The following KHDRBS2 variants were observed in gnomAD, a reference collection of about 807,000 sequenced individuals.
KHDRBS2 encodes KH domain-containing, RNA-binding, signal transduction-associated protein 2.
Under a neutral mutation model 44.3 loss-of-function variants are expected in KHDRBS2, and 26 were observed. The observed-to-expected ratio is 0.59, with a 90% confidence interval of 0.43 to 0.81. KHDRBS2 has a LOEUF of 0.81. KHDRBS2 is among the 40% of genes least tolerant of loss of function. KHDRBS2 has a pLI of 0.00. For synonymous variants in KHDRBS2, 194 were observed against 151.1 expected, an observed-to-expected ratio of 1.28 and a Z score of -2.08; for missense variants, 476 against 433.1, an observed-to-expected ratio of 1.10 and a Z score of -0.88.
intron 1 of KHDRBS2, among the ~76,000 whole-genome samples, chr6:62,256,773 G>T (rs1227061243): frequency 6.6e-6 from 1 of 152,088 alleles, no homozygotes; most frequent in Non-Finnish European, 1.5e-5. Context: ...TTCTGTAAAT[G>T]CAGGTTACAC....
At chr6:61,782,014 T>C (rs1274404205) in intron 6 of KHDRBS2, among the ~76,000 whole-genome samples, 1 of 152,026 alleles carries the variant, frequency 6.6e-6, no homozygotes, top group Non-Finnish European at 1.5e-5. Context: ...TTTGGAAGTG[T>C]TTTTTGGTTT....
At chr6:62,055,884 C>A (rs1472230741) in intron 2 of KHDRBS2, among the ~76,000 whole-genome samples, 1 of 151,964 alleles carries the variant, frequency 6.6e-6, no homozygotes, top group African/African-American at 2.4e-5. Context: ...AGTGCTCACT[C>A]CGTGGATGTG....
chr6:61,563,977 C>T, the KHDRBS2 span, among the ~76,000 whole-genome samples: 1 of 151,992 alleles, frequency 6.6e-6, no homozygotes, highest in Non-Finnish European at 1.5e-5. Context: ...TTATTAGTGC[C>T]AGTAGTCCAT....
chr6:61,646,830 T>A, the KHDRBS2 span, among the ~76,000 whole-genome samples: 1 of 152,158 alleles, frequency 6.6e-6, no homozygotes, highest in Admixed American at 6.5e-5. Flanking sequence ...TTTATTTATT[T>A]ATTTTTTGAG....
At chr6:61,775,799 T>C (rs147226924) in intron 6 of KHDRBS2, among the ~76,000 whole-genome samples, 34,648 of 151,994 alleles carry the variant, frequency 0.23, 4,700 homozygotes, top group South Asian at 0.36. Context: ...CTACTTTAAA[T>C]TTCATATGGA....
At chr6:61,964,406 A>G (rs1015881892) in intron 4 of KHDRBS2, among the ~76,000 whole-genome samples, 2 of 151,986 alleles carry the variant, frequency 1.3e-5, no homozygotes, top group Non-Finnish European at 2.9e-5. Flanking sequence ...TTGATTTCTG[A>G]CTTCAGGGAG....
chr6:62,205,405 CT>C (rs1252338074), intron 1 of KHDRBS2, among the ~76,000 whole-genome samples: 5 of 152,098 alleles, frequency 3.3e-5, no homozygotes, highest in Non-Finnish European at 5.9e-5. Context: ...GCCACCATAT[CT>C]TTCCTATTAG....
intron 7 of KHDRBS2, among the ~76,000 whole-genome samples, chr6:61,717,754 A>G (rs574304471): frequency 1.8e-4 from 28 of 152,288 alleles, no homozygotes; most frequent in Non-Finnish European, 2.4e-4. Flanking sequence ...ATATAGCCTA[A>G]AAACAGTAAA....
intron 6 of KHDRBS2, among the ~76,000 whole-genome samples, chr6:61,810,539 C>G (rs533073696): frequency 3.3e-5 from 5 of 151,782 alleles, no homozygotes; most frequent in Non-Finnish European, 5.9e-5. Context: ...TATAATGAAG[C>G]CTACAAATTT....
At chr6:61,946,690 ATG>A (rs1813428624) in intron 4 of KHDRBS2, among the ~76,000 whole-genome samples, 1 of 152,106 alleles carries the variant, frequency 6.6e-6, no homozygotes, top group African/African-American at 2.4e-5. Flanking sequence ...TACTGAGGAG[ATG>A]AGGGTAGGAA....
chr6:61,598,566 T>G, the KHDRBS2 span, among the ~76,000 whole-genome samples: 2 of 152,166 alleles, frequency 1.3e-5, no homozygotes, highest in African/African-American at 4.8e-5. Flanking sequence ...AACTTTTTCC[T>G]GGGGGTAGAA....
At chr6:61,743,253 T>C (rs1776398920) in intron 6 of KHDRBS2, among the ~76,000 whole-genome samples, 1 of 152,140 alleles carries the variant, frequency 6.6e-6, no homozygotes, top group Non-Finnish European at 1.5e-5. Flanking sequence ...CATACACAGT[T>C]ACTTTGTTAA....
chr6:61,757,622 C>T (rs1411658449), intron 6 of KHDRBS2, among the ~76,000 whole-genome samples: 1 of 151,992 alleles, frequency 6.6e-6, no homozygotes, highest in Non-Finnish European at 1.5e-5. Context: ...GCTATTTGTT[C>T]CCAATTTGTC....
At chr6:61,562,279 C>T in the KHDRBS2 span, among the ~76,000 whole-genome samples, 1 of 152,100 alleles carries the variant, frequency 6.6e-6, no homozygotes, top group Non-Finnish European at 1.5e-5. Flanking sequence ...AGGGAGGGAA[C>T]TCAATGTTAT....
rs115469192 is a variant in KHDRBS2, at chr6:62,056,269, C to A, written c.220-8275G>T. ...AATTACTCATAACTATATAAAATTT[C>A]ATTAATCCTAGAAATAAATTTTTGA... On this transcript the variant is annotated intron_variant, in intron 2 of 8. Transcript: ENST00000281156. Among the ~76,000 whole-genome samples, 587 of 151,954 alleles carry A rather than the reference C, an allele frequency of 3.9e-3. 6 individuals carry two copies. Among genetic ancestry groups the A allele is most frequent in the African/African-American group, 0.014 (567 of 41,506 alleles).
intron 8 of KHDRBS2, among the ~76,000 whole-genome samples, chr6:61,695,699 A>G (rs1007219254): frequency 6.6e-6 from 1 of 152,204 alleles, no homozygotes; most frequent in Non-Finnish European, 1.5e-5. Context: ...CTTTAAAGAA[A>G]TAAATACAAA....
intron 3 of KHDRBS2, among the ~76,000 whole-genome samples, chr6:62,022,615 C>A (rs1227826193): frequency 5.9e-5 from 9 of 151,666 alleles, no homozygotes; most frequent in East Asian, 5.8e-4. Context: ...CATTAGAATT[C>A]TTTTCTATTG....
At chr6:61,589,126 C>G in the KHDRBS2 span, among the ~76,000 whole-genome samples, 2 of 151,978 alleles carry the variant, frequency 1.3e-5, no homozygotes, top group Non-Finnish European at 1.5e-5. Context: ...CTAATGCATG[C>G]AGGACATAAA....
At chr6:61,634,570 GACAA>G in the KHDRBS2 span, among the ~76,000 whole-genome samples, 1 of 151,962 alleles carries the variant, frequency 6.6e-6, no homozygotes, top group Non-Finnish European at 1.5e-5. Context: ...GGTAGAGACT[GACAA>G]ACAGTTGATC....
Sources: gnomAD v4.1 joint callset for allele counts (sites outside exome capture counted in the v4.1 genomes callset) on GRCh38, gnomAD v4.1.1 for gene constraint, MANE v1.5 for transcripts, NCBI Gene and HGNC (gene_info 2026-07-23, HGNC 2026-07-21) for gene names.